C5orf24: variants seen among roughly 807,000 people sequenced by gnomAD.
The protein encoded by C5orf24 is chromosome 5 open reading frame 24.
C5orf24 carries 4 observed loss-of-function variants against 9.8 expected under a neutral mutation model. That is an observed-to-expected ratio of 0.41 (90% CI 0.20 to 0.93). The LOEUF (loss-of-function observed/expected upper bound fraction) is 0.93. Among genes scored for constraint, C5orf24 ranks in the 40% least tolerant of loss-of-function variants. The pLI, the probability that C5orf24 is intolerant of heterozygous loss-of-function variation, is 0.33. For missense variants in C5orf24, 170 were observed against 236.9 expected (o/e 0.72, Z 1.85); for synonymous variants, 73 against 81.3 (o/e 0.90, Z 0.55).
Position 134,857,525 on chromosome 5 carries a change from G to A in C5orf24, c.*2058G>A, listed in dbSNP as rs1756346705. 4 of 1,189,060 alleles carry A rather than the reference G, an allele frequency of 3.4e-6. No individual in the cohort carries two copies. The highest frequency in any genetic ancestry group is 1.6e-5 in the African/African-American group (1 of 63,484). The allele number at this position is 1,189,060 out of a possible 1,614,324, so 73.7% of individuals were successfully genotyped here. On this transcript the variant is annotated 3_prime_UTR_variant, in exon 2 of 2. Transcript: ENST00000394976. The stretch of plus-strand genomic sequence containing the variant: ...TAGCTTTGCACAAACCATAGAGAAC[G>A]ATGTTGGATGGTTACATAATCAGTT...
intron 1 of C5orf24, among the ~76,000 whole-genome samples, chr5:134,853,533 T>C (rs912694076): frequency 1.4e-5 from 2 of 140,516 alleles, no homozygotes; most frequent in African/African-American, 5.7e-5. Flanking sequence ...TTCTTCTTTT[T>C]TTTTTTTTTT....
chr5:134,841,076 G>A (rs1284702918), upstream of C5orf24, among the ~76,000 whole-genome samples: 1 of 152,150 alleles, frequency 6.6e-6, no homozygotes, highest in Non-Finnish European at 1.5e-5. Context: ...CTTCCAAGAA[G>A]CCAGCAGTAA....
At chr5:134,839,290 T>C in the C5orf24 span, among the ~76,000 whole-genome samples, 1 of 152,064 alleles carries the variant, frequency 6.6e-6, no homozygotes, top group Non-Finnish European at 1.5e-5. Context: ...TCCAATGATA[T>C]GTTTGATTGT....
At chr5:134,834,507 C>T in the C5orf24 span, among the ~76,000 whole-genome samples, 1 of 152,196 alleles carries the variant, frequency 6.6e-6, no homozygotes, top group South Asian at 2.1e-4. Context: ...CAAACCAGCC[C>T]TCAGCCTGTG....
chr5:134,853,311 A>G (rs1178630802), intron 1 of C5orf24, among the ~76,000 whole-genome samples: 2 of 151,480 alleles, frequency 1.3e-5, no homozygotes, highest in African/African-American at 4.8e-5. Context: ...CGGTGAGCCA[A>G]GATTGTGCCA....
chr5:134,849,971 A>G (rs1031874614), intron 1 of C5orf24, among the ~76,000 whole-genome samples: 7 of 151,332 alleles, frequency 4.6e-5, no homozygotes, highest in African/African-American at 1.7e-4. Flanking sequence ...TCAGTGTCTC[A>G]TTATCTTTCC....
rs1384139822 is a variant in C5orf24 at position 134,856,902 on chromosome 5, T to C, written c.*1435T>C. 7.0e-6 allele frequency: 7 copies of C among 1,001,232 alleles called. No homozygotes were observed. The East Asian group carries it at 5.7e-4, about 81-fold the overall frequency. 62.0% of individuals were successfully genotyped at this position (1,001,232 alleles called of 1,614,324 possible). The stretch of plus-strand genomic sequence containing the variant: ...GGAATCCATCTATGCATGAAACATG[T>C]AAAAAATATGTTGGTTAGTTTAATT... On this transcript the variant is annotated 3_prime_UTR_variant, in exon 2 of 2. Coordinates refer to ENST00000394976, the MANE Select transcript of C5orf24 (RefSeq NM_001135586.1).
chr5:134,847,904 T>C (rs1297960684), intron 1 of C5orf24, among the ~76,000 whole-genome samples: 1 of 152,112 alleles, frequency 6.6e-6, no homozygotes, highest in East Asian at 1.9e-4. Flanking sequence ...CGCTGTGTTA[T>C]CCAGGCCAGG....
Position 134,856,958 on chromosome 5 carries a change from T to C in C5orf24, c.*1491T>C. The C allele has an allele frequency of 1.0e-6, 1 of 1,004,976 alleles. No individual in the cohort carries two copies. The allele number at this position is 1,004,976 out of a possible 1,614,324, so 62.3% of individuals were successfully genotyped here. ...TCTTATTGTGGGTCCAGTGAGACCA[T>C]CTCATCCAAAAGATTTTTTTTCCCC... On this transcript the variant is annotated 3_prime_UTR_variant, in exon 2 of 2. Coordinates refer to ENST00000394976, the MANE Select transcript of C5orf24 (RefSeq NM_001135586.1).
At chr5:134,841,346 T>C (rs538827461), upstream of C5orf24, among the ~76,000 whole-genome samples, 1 of 152,084 alleles carries the variant, frequency 6.6e-6, no homozygotes, top group South Asian at 2.1e-4. Context: ...TCCCAGCACT[T>C]TGGGAGGCTG....
rs1040217557 is a variant in C5orf24, at chr5:134,846,043, G to A, written c.-173G>A. On this transcript the variant is annotated 5_prime_UTR_variant, in exon 1 of 2. Coordinates refer to ENST00000394976, the MANE Select transcript of C5orf24 (RefSeq NM_001135586.1). ...GTGCGCGGCGGCCGCGGCGGGTGCT[G>A]GGAGCCAGCGCCTGCCTCGCCGCCG... 1 of 152,356 alleles carries A rather than the reference G, an allele frequency of 6.6e-6. No homozygotes were observed. Among genetic ancestry groups the A allele is most frequent in the Admixed American group, 6.5e-5 (1 of 15,282 alleles). 9.4% of individuals were successfully genotyped at this position (152,356 alleles called of 1,614,324 possible). A position where few individuals can be genotyped will look rare whatever the true frequency, so the allele number is the denominator to read the frequency against.
chr5:134,836,604 C>T, the C5orf24 span, among the ~76,000 whole-genome samples: 8 of 152,130 alleles, frequency 5.3e-5, no homozygotes, highest in Non-Finnish European at 1.0e-4. Context: ...AGTGCAGTGG[C>T]GCAATCTTGG....
chr5:134,853,736 G>T (rs1756230827), intron 1 of C5orf24, among the ~76,000 whole-genome samples: 2 of 151,994 alleles, frequency 1.3e-5, no homozygotes, highest in African/African-American at 4.8e-5. Context: ...ATGATCAAGG[G>T]AGAAAGCAAT....
At position 134,854,909 on chromosome 5, in the gene C5orf24, T is replaced by A. The variant is rs1472044120; in HGVS notation, c.9T>A (p.His3Gln). 1 of 1,614,054 alleles carries A rather than the reference T, an allele frequency of 6.2e-7. No homozygotes were observed. Among genetic ancestry groups the A allele is most frequent in the Admixed American group, 1.7e-5 (1 of 59,974 alleles). The change falls in exon 2 of 2, where the codon CAT (histidine) becomes CAA (glutamine). Residue 3 changes from histidine to glutamine, a missense_variant. Coordinates refer to ENST00000394976, the MANE Select transcript of C5orf24 (RefSeq NM_001135586.1). ...TTTATTTTTGGTAGAAAATGATGCATCCTGTTGCCAGCAGTAATCCAGCTT... is the reference window on the plus strand; with the variant it reads ...TTTATTTTTGGTAGAAAATGATGCAACCTGTTGCCAGCAGTAATCCAGCTT... MM[H>Q]PVASSNPAFC...
At position 134,850,522 on chromosome 5, in the gene C5orf24, G is replaced by T. The variant is rs181725652; in HGVS notation, c.-4+4310G>T. Among the ~76,000 whole-genome samples, 183 of 151,318 alleles carry T rather than the reference G, an allele frequency of 1.2e-3. 1 individual carries two copies. Among genetic ancestry groups the T allele is most frequent in the African/African-American group, 3.4e-3 (141 of 41,242 alleles). On this transcript the variant is annotated intron_variant, in intron 1 of 1. Transcript: ENST00000394976. ...AGTTTCGCTCTTGTCTCCCAGGCTGGAGTGCAATGTTGCGATCTTGGCTCA... is the reference window on the plus strand; with the variant it reads ...AGTTTCGCTCTTGTCTCCCAGGCTGTAGTGCAATGTTGCGATCTTGGCTCA...
the C5orf24 span, among the ~76,000 whole-genome samples, chr5:134,838,194 CTA>C: frequency 6.6e-6 from 1 of 152,334 alleles, no homozygotes; most frequent in East Asian, 1.9e-4. Flanking sequence ...TATATAATCA[CTA>C]TTTATCATTC....
intron 1 of C5orf24, among the ~76,000 whole-genome samples, chr5:134,849,782 C>T (rs534973650): frequency 9.3e-5 from 14 of 150,422 alleles, no homozygotes; most frequent in African/African-American, 3.2e-4. Context: ...CTCAGCCTTC[C>T]GAGTAGCTGG....
upstream of C5orf24, among the ~76,000 whole-genome samples, chr5:134,842,567 ATG>A: frequency 6.6e-6 from 1 of 152,234 alleles, no homozygotes; most frequent in Admixed American, 6.5e-5. Context: ...TAAACCTGGA[ATG>A]TCTCCTATTC....
rs1419701033 is a variant in C5orf24, at chr5:134,857,203, T to G, written c.*1736T>G. Reference sequence around the variant, plus strand: ...GTTACAATGTTTGTATTTGGGATTTTAAATGCCTTTGAGATTAAAATGTAG... The same window carrying G: ...GTTACAATGTTTGTATTTGGGATTTGAAATGCCTTTGAGATTAAAATGTAG... On this transcript the variant is annotated 3_prime_UTR_variant, in exon 2 of 2. Coordinates refer to ENST00000394976, the MANE Select transcript of C5orf24 (RefSeq NM_001135586.1). The G allele has an allele frequency of 7.7e-7, 1 of 1,290,934 alleles. No individual in the cohort carries two copies. The highest frequency in any genetic ancestry group is 2.9e-5 in the East Asian group (1 of 34,434). The allele number at this position is 1,290,934 out of a possible 1,614,324, so 80.0% of individuals were successfully genotyped here.
Sources: allele counts gnomAD v4.1 joint callset (sites outside exome capture counted in the v4.1 genomes callset), GRCh38; gene constraint gnomAD v4.1.1; transcripts MANE v1.5; gene names NCBI Gene and HGNC (gene_info 2026-07-23, HGNC 2026-07-21).